Variants in LRRC8B observed in about 807,000 individuals in gnomAD.
LRRC8B encodes the protein leucine rich repeat containing 8 VRAC subunit B, also known as volume-regulated anion channel subunit LRRC8B.
LRRC8B carries 23 observed loss-of-function variants against 58.8 expected under a neutral mutation model. That is an observed-to-expected ratio of 0.39 (90% CI 0.28 to 0.55). LRRC8B has a LOEUF of 0.55. Among genes scored for constraint, LRRC8B ranks in the 20% least tolerant of loss-of-function variants. LRRC8B has a pLI of 0.62. For synonymous variants in LRRC8B, 359 were observed against 374.1 expected (o/e 0.96, Z 0.47); for missense variants, 694 against 936.0 (o/e 0.74, Z 3.37).
At chr1:89,588,357 C>T (rs1033903939) in intron 5 of LRRC8B, among the ~76,000 whole-genome samples, 1 of 152,152 alleles carries the variant, frequency 6.6e-6, no homozygotes, top group African/African-American at 2.4e-5. Context: ...TGTGCTTCTC[C>T]AAGGAGAGAT....
chr1:89,584,651 T>A lies in LRRC8B; in HGVS notation c.2001T>A (p.Asn667Lys). Residue 667 changes from asparagine to lysine, a missense_variant, in exon 5 of 6, where the codon AAT (asparagine) becomes AAA (lysine). This residue lies in a region of LRRC8B where 139 missense variants were observed against 158.2 expected (regional missense o/e 0.88). Coordinates refer to ENST00000330947, the MANE Select transcript of LRRC8B (RefSeq NM_001369817.2). ...NLEQLSLDHN[N>K]IENLPLQLFL... ...AGCAGCTCTCTTTGGACCATAATAA[T>A]ATTGAGAATCTGCCCTTGCAGCTTT... 1 of 1,614,038 alleles carries A rather than the reference T, an allele frequency of 6.2e-7. No homozygotes were observed. The highest frequency in any genetic ancestry group is 2.2e-5 in the East Asian group (1 of 44,882).
At chr1:89,563,976 A>G (rs1178553430) in intron 1 of LRRC8B, among the ~76,000 whole-genome samples, 5 of 152,234 alleles carry the variant, frequency 3.3e-5, no homozygotes, top group Non-Finnish European at 7.3e-5. Flanking sequence ...AAAGTAACAC[A>G]TTGAAAACAT....
At chr1:89,579,520 T>A (rs1276058506) in intron 3 of LRRC8B, 71 bp from the exon 4 acceptor site, 1 of 152,690 alleles carries the variant, frequency 6.5e-6, no homozygotes, top group Non-Finnish European at 1.5e-5. Context: ...AGAGGGCTTC[T>A]GGAGACAGTA....
At chr1:89,544,743 A>G (rs1651274768) in intron 1 of LRRC8B, among the ~76,000 whole-genome samples, 1 of 152,198 alleles carries the variant, frequency 6.6e-6, no homozygotes. Flanking sequence ...CTGGAGGAAG[A>G]AAAAACCTCA....
chr1:89,559,839 C>T (rs953700753), intron 1 of LRRC8B, among the ~76,000 whole-genome samples: 4 of 152,134 alleles, frequency 2.6e-5, no homozygotes, highest in African/African-American at 7.2e-5. Flanking sequence ...AATTTTTAGT[C>T]GCTTTTTCAA....
At chr1:89,529,550 A>T (rs1256814898) in intron 1 of LRRC8B, among the ~76,000 whole-genome samples, 1 of 152,212 alleles carries the variant, frequency 6.6e-6, no homozygotes, top group Admixed American at 6.5e-5. Flanking sequence ...AAAGAAAAAA[A>T]GTATATAAAG....
At chr1:89,549,417 A>G (rs1258556204) in intron 1 of LRRC8B, among the ~76,000 whole-genome samples, 5 of 152,210 alleles carry the variant, frequency 3.3e-5, no homozygotes, top group African/African-American at 9.6e-5. Flanking sequence ...TAGCTTGGAA[A>G]GGGAGCAGCT....
Position 89,527,637 on chromosome 1 carries a change from T to G in LRRC8B, c.-241+2615T>G, listed in dbSNP as rs1392436117. On this transcript the variant is annotated intron_variant, in intron 1 of 5. Transcript: ENST00000330947. ...TGCCTTTTATTGCTATTGCCTACTT[T>G]CATTTTATTCCCCATCTGTATTTTC... Among the ~76,000 whole-genome samples the G allele has an allele frequency of 2.6e-5, 4 of 152,276 alleles. No individual in the cohort carries two copies. The East Asian group carries it at 5.8e-4, about 22-fold the overall frequency.
chr1:89,591,042 A>G (rs548338807), intron 5 of LRRC8B, among the ~76,000 whole-genome samples: 4 of 152,230 alleles, frequency 2.6e-5, no homozygotes, highest in Non-Finnish European at 4.4e-5. Context: ...CACAATGTCA[A>G]CAGTGCTGAG....
At chr1:89,571,324 T>A (rs1400763633) in intron 3 of LRRC8B, among the ~76,000 whole-genome samples, 1 of 152,240 alleles carries the variant, frequency 6.6e-6, no homozygotes, top group Non-Finnish European at 1.5e-5. Flanking sequence ...ACATTTTTAA[T>A]GATACAGATT....
In LRRC8B at chr1:89,593,464, A is replaced by G. The variant is rs1368531811; in HGVS notation, c.*421A>G. The G allele has an allele frequency of 1.3e-5, 2 of 158,716 alleles. No homozygotes were observed. Among genetic ancestry groups the G allele is most frequent in the Non-Finnish European group, 2.8e-5 (2 of 71,602 alleles). 9.8% of individuals were successfully genotyped at this position (158,716 alleles called of 1,614,324 possible). On this transcript the variant is annotated 3_prime_UTR_variant, in exon 6 of 6. Transcript: ENST00000330947. ...AGATGAAGAATGGGTGACTATTATG[A>G]TGAACCATAACTAAATGTCTTATTA...
chr1:89,562,825 A>C (rs2100974420), intron 1 of LRRC8B, among the ~76,000 whole-genome samples: 1 of 152,274 alleles, frequency 6.6e-6, no homozygotes, highest in East Asian at 1.9e-4. Context: ...TTGGGGGATC[A>C]CATTCTCTCT....
rs2101125011 is a variant in LRRC8B, at chr1:89,595,298, A to G, written c.*2255A>G. ...TTTTCATTTTTTAAAGTGTGAGTTGATGTTTATTTTAGTGTTTCACAATAG... is the reference window on the plus strand; with the variant it reads ...TTTTCATTTTTTAAAGTGTGAGTTGGTGTTTATTTTAGTGTTTCACAATAG... On this transcript the variant is annotated 3_prime_UTR_variant, in exon 6 of 6. Coordinates refer to ENST00000330947, the MANE Select transcript of LRRC8B (RefSeq NM_001369817.2). The G allele has an allele frequency of 6.6e-6, 1 of 152,202 alleles. No individual in the cohort carries two copies. Among genetic ancestry groups the G allele is most frequent in the South Asian group, 2.1e-4 (1 of 4,830 alleles). The allele number at this position is 152,202 out of a possible 1,614,324, so 9.4% of individuals were successfully genotyped here. A position where few individuals can be genotyped will look rare whatever the true frequency, so the allele number is the denominator to read the frequency against.
chr1:89,593,040 T>C lies in LRRC8B; in HGVS notation c.2409T>C (p.Cys803=). ...TERLQTCLDK[C] Reference sequence around the variant, plus strand: ...GTTTACAGACGTGCTTAGACAAATGTTGACTTAAAGAAAAGAGACCCGTGT... The same window carrying C: ...GTTTACAGACGTGCTTAGACAAATGCTGACTTAAAGAAAAGAGACCCGTGT... Residue 803 remains cysteine (C), a synonymous_variant, in exon 6 of 6, where the codon TGT becomes TGC. Transcript: ENST00000330947. The C allele has an allele frequency of 6.2e-7, 1 of 1,609,566 alleles. No homozygotes were observed. Among genetic ancestry groups the C allele is most frequent in the Non-Finnish European group, 8.5e-7 (1 of 1,176,934 alleles).
At chr1:89,573,973 A>C (rs1267630302) in intron 3 of LRRC8B, among the ~76,000 whole-genome samples, 1 of 152,244 alleles carries the variant, frequency 6.6e-6, no homozygotes, top group Non-Finnish European at 1.5e-5. Context: ...AATGGTGTGG[A>C]GTAATTTCCA....
chr1:89,555,457 A>T (rs1474524726), intron 1 of LRRC8B, among the ~76,000 whole-genome samples: 1 of 152,232 alleles, frequency 6.6e-6, no homozygotes, highest in Admixed American at 6.5e-5. Flanking sequence ...AGGTCTAATT[A>T]AAACTCTTGT....
intron 1 of LRRC8B, among the ~76,000 whole-genome samples, chr1:89,527,821 T>C (rs943348840): frequency 9.9e-5 from 15 of 152,234 alleles, no homozygotes; most frequent in African/African-American, 3.6e-4. Flanking sequence ...CCTAAGTTCT[T>C]ATCACTGTGG....
intron 1 of LRRC8B, among the ~76,000 whole-genome samples, chr1:89,533,536 G>T (rs998222961): frequency 2.6e-5 from 4 of 152,060 alleles, no homozygotes; most frequent in African/African-American, 9.7e-5. Context: ...CTCCATTAAA[G>T]CATACCTTTT....
At chr1:89,573,462 G>C (rs1653617837) in intron 3 of LRRC8B, among the ~76,000 whole-genome samples, 1 of 151,892 alleles carries the variant, frequency 6.6e-6, no homozygotes. Context: ...AAGGGCTTCT[G>C]ATGACTAGGG....
Sources: allele counts gnomAD v4.1 joint callset (sites outside exome capture counted in the v4.1 genomes callset), GRCh38; gene constraint gnomAD v4.1.1; regional missense constraint gnomAD v4.1.1; transcripts MANE v1.5; gene names NCBI Gene and HGNC (gene_info 2026-07-23, HGNC 2026-07-21).